The following POGZ variants were observed in gnomAD, a reference collection of about 807,000 sequenced individuals.
The protein encoded by POGZ is pogo transposable element derived with ZNF domain.
A neutral mutation model predicts 134.6 loss-of-function variants in POGZ; 17 were observed. The observed-to-expected ratio is 0.13, with a 90% confidence interval of 0.09 to 0.19. POGZ has a LOEUF of 0.19. Among genes scored for constraint, POGZ ranks in the 10% least tolerant of loss-of-function variants. POGZ has a pLI of 1.00. For missense variants in POGZ, 1,306 were observed against 1,769.7 expected, an observed-to-expected ratio of 0.74 and a Z score of 4.70; for synonymous variants, 693 against 657.1, an observed-to-expected ratio of 1.05 and a Z score of -0.84.
chr1:151,435,993 G>C (rs527694524), intron 3 of POGZ, among the ~76,000 whole-genome samples: 1 of 120,414 alleles, frequency 8.3e-6, no homozygotes, highest in African/African-American at 3.1e-5. Context: ...TTTCGCTCTT[G>C]TTGCCCAGGC....
chr1:151,444,957 TTCGAGGTTACAGTGAGC>T (rs1234520279), intron 1 of POGZ, among the ~76,000 whole-genome samples: 3 of 151,606 alleles, frequency 2.0e-5, no homozygotes, highest in Non-Finnish European at 4.4e-5. Context: ...AGCCCAGGAG[TTCGAGGTTACAGTGAGC>T]TCGAGGTTAC....
chr1:151,403,583 T>C lies in POGZ; in HGVS notation c.*1219A>G, dbSNP rs1653070656. ...TTAAAAAAATCCCTCATGCAAATTG[T>C]AGAAAAAATTTTCTTTCCTTGAAGC... is the stretch of plus-strand genomic sequence containing the variant. On this transcript the variant is annotated 3_prime_UTR_variant, in exon 19 of 19. Transcript: ENST00000271715. 4 of 985,712 alleles carry C rather than the reference T, an allele frequency of 4.1e-6. No homozygotes were observed. Among genetic ancestry groups the C allele is most frequent in the African/African-American group, 1.7e-5 (1 of 57,240 alleles). The allele number at this position is 985,712 out of a possible 1,614,324, so 61.1% of individuals were successfully genotyped here. A position where few individuals can be genotyped will look rare whatever the true frequency, so the allele number is the denominator to read the frequency against.
At chr1:151,419,921 A>C (rs2102248587) in intron 10 of POGZ, among the ~76,000 whole-genome samples, 1 of 152,216 alleles carries the variant, frequency 6.6e-6, no homozygotes, top group South Asian at 2.1e-4. Flanking sequence ...TAATTTTATT[A>C]TTTGTGGAAC....
At chr1:151,415,471 C>T (rs950359635) in intron 10 of POGZ, among the ~76,000 whole-genome samples, 1 of 151,806 alleles carries the variant, frequency 6.6e-6, no homozygotes, top group South Asian at 2.1e-4. Flanking sequence ...CGAGACCATT[C>T]TATCCTGGCT....
At chr1:151,432,836 C>T (rs1309965412) in intron 3 of POGZ, among the ~76,000 whole-genome samples, 1 of 152,128 alleles carries the variant, frequency 6.6e-6, no homozygotes, top group African/African-American at 2.4e-5. Flanking sequence ...TATTCAATAT[C>T]AAATACCCAG....
chr1:151,439,440 G>A (rs1169392658), intron 3 of POGZ, among the ~76,000 whole-genome samples: 1 of 152,174 alleles, frequency 6.6e-6, no homozygotes, highest in Non-Finnish European at 1.5e-5. Context: ...TGGCAACAAT[G>A]CGGGGAAAGA....
At chr1:151,451,387 C>T (rs187601935) in intron 1 of POGZ, among the ~76,000 whole-genome samples, 4 of 151,890 alleles carry the variant, frequency 2.6e-5, no homozygotes, top group Admixed American at 2.0e-4. Flanking sequence ...AGCCCAATGG[C>T]GCGATCTCAG....
At chr1:151,420,339 C>CA (rs1427131926) in intron 10 of POGZ, among the ~76,000 whole-genome samples, 1 of 152,136 alleles carries the variant, frequency 6.6e-6, no homozygotes, top group Non-Finnish European at 1.5e-5. Context: ...TTTTTTGAGA[C>CA]AGAGTCTTGC....
At position 151,406,337 on chromosome 1, in the gene POGZ, G is replaced by C; in HGVS notation, c.2698C>G (p.Leu900Val). The C allele has an allele frequency of 1.2e-6, 2 of 1,605,442 alleles. No homozygotes were observed. The highest frequency in any genetic ancestry group is 2.2e-5 in the South Asian group (2 of 89,450). Residue 900 changes from leucine to valine, a missense_variant, in exon 19 of 19, where the codon CTA becomes GTA. Around this residue, in one of 10 missense-constraint regions of POGZ, gnomAD observed 214 missense variants for 255.5 expected, o/e 0.84. Transcript: ENST00000271715. ...AGTGCTGGGGCTAAGGGAGTTAGTA[G>C]CTCTTCAGGCTCAGCTGGGGTGGCC... ...AGATPAEPEE[L>V]LTPLAPALPS...
intron 3 of POGZ, among the ~76,000 whole-genome samples, chr1:151,434,854 T>A (rs1375981725): frequency 1.3e-5 from 2 of 152,110 alleles, no homozygotes; most frequent in Non-Finnish European, 2.9e-5. Flanking sequence ...CAAAGAATTA[T>A]GCAACTAACT....
chr1:151,442,317 C>CT, intron 1 of POGZ, 112 bp from the exon 2 acceptor site: 1 of 777,248 alleles, frequency 1.3e-6, no homozygotes, highest in South Asian at 1.9e-5. Flanking sequence ...CCTTGGACTC[C>CT]TTTATCATAT....
chr1:151,455,072 G>C (rs919651776), intron 1 of POGZ: 1 of 150,456 alleles, frequency 6.6e-6, no homozygotes, highest in Non-Finnish European at 1.5e-5. Flanking sequence ...GCGCCATTAC[G>C]CTCCAGCCTG....
intron 10 of POGZ, 28 bp from the exon 11 acceptor site, chr1:151,412,424 C>A (rs768956057): frequency 1.6e-5 from 20 of 1,278,928 alleles, no homozygotes; most frequent in Non-Finnish European, 1.9e-5. Context: ...ATCAATAAAT[C>A]CACTTGAAAA....
chr1:151,444,355 G>A (rs762625162), intron 1 of POGZ, among the ~76,000 whole-genome samples: 4 of 152,168 alleles, frequency 2.6e-5, no homozygotes, highest in African/African-American at 4.8e-5. Context: ...GACAACACAT[G>A]CCTTTGTTTT....
chr1:151,404,923 G>A lies in POGZ; in HGVS notation c.4112C>T (p.Pro1371Leu), dbSNP rs1653289885. ...AATTGTCTCTTCAGGAGATGATCTG[G>A]GTCGTGGAGTGGAAGACTCAGAATG... ...GEHSESSTPRPRSSPEETIEP... is the reference protein window; with the variant it reads ...GEHSESSTPRLRSSPEETIEP... Residue 1371 changes from proline (P) to leucine (L), a missense_variant, in exon 19 of 19, where the codon CCC (proline) becomes CTC (leucine). By Grantham distance (98) the Pro-to-Leu change is moderately conservative (BLOSUM62 -3). This residue lies in a region of POGZ where 107 missense variants were observed against 97.9 expected (regional missense o/e 1.09). Coordinates refer to ENST00000271715, the MANE Select transcript of POGZ (RefSeq NM_015100.4). The A allele has an allele frequency of 6.2e-7, 1 of 1,614,072 alleles. No homozygotes were observed. Among genetic ancestry groups the A allele is most frequent in the Non-Finnish European group, 8.5e-7 (1 of 1,180,056 alleles).
intron 10 of POGZ, among the ~76,000 whole-genome samples, chr1:151,420,514 C>T (rs1333587847): frequency 1.3e-5 from 2 of 152,090 alleles, no homozygotes; most frequent in African/African-American, 2.4e-5. Flanking sequence ...GGGGTTTCTC[C>T]ATGCTGCCCA....
chr1:151,438,128 T>G (rs1245190944), intron 3 of POGZ, among the ~76,000 whole-genome samples: 1 of 151,898 alleles, frequency 6.6e-6, no homozygotes, highest in African/African-American at 2.4e-5. Context: ...AGAGAATTAC[T>G]TGAACCCGGG....
chr1:151,419,042 A>G (rs554158696), intron 10 of POGZ, among the ~76,000 whole-genome samples: 4,050 of 149,860 alleles, frequency 0.027, 75 homozygotes, highest in Middle Eastern at 0.045. Context: ...AAAAAAAAAA[A>G]AAAAGAAAAA....
intron 10 of POGZ, among the ~76,000 whole-genome samples, chr1:151,418,256 T>C (rs1656139167): frequency 2.0e-5 from 3 of 152,014 alleles, no homozygotes; most frequent in Admixed American, 2.0e-4. Context: ...AGTGGAATAT[T>C]ATAGCCACAA....
Sources: allele counts gnomAD v4.1 joint callset (sites outside exome capture counted in the v4.1 genomes callset), GRCh38; gene constraint gnomAD v4.1.1; regional missense constraint gnomAD v4.1.1; transcripts MANE v1.5; gene names NCBI Gene and HGNC (gene_info 2026-07-23, HGNC 2026-07-21).